The following RAB5A variants were observed in gnomAD, a reference collection of about 807,000 sequenced individuals.
RAB5A encodes ras-related protein Rab-5A.
Under a neutral mutation model 25.7 loss-of-function variants are expected in RAB5A, and 8 were observed. The ratio of observed to expected loss-of-function variants is 0.31; its 90% CI spans 0.18 to 0.56. RAB5A has a LOEUF of 0.56. Among genes scored for constraint, RAB5A ranks in the 20% least tolerant of loss-of-function variants. The pLI, the probability that RAB5A is intolerant of heterozygous loss-of-function variation, is 0.91. For missense variants in RAB5A, 192 were observed against 259.7 expected, an observed-to-expected ratio of 0.74 and a Z score of 1.79; for synonymous variants, 98 against 89.8, an observed-to-expected ratio of 1.09 and a Z score of -0.52.
At chr3:19,979,641 A>C (rs1441764365) in intron 5 of RAB5A, among the ~76,000 whole-genome samples, 3 of 152,104 alleles carry the variant, frequency 2.0e-5, no homozygotes, top group Admixed American at 6.5e-5. Flanking sequence ...ATGAAGTTGG[A>C]GTAGTAATAA....
chr3:19,965,301 A>G (rs1187832167), intron 2 of RAB5A, among the ~76,000 whole-genome samples: 1 of 152,024 alleles, frequency 6.6e-6, no homozygotes, highest in Non-Finnish European at 1.5e-5. Flanking sequence ...GTGTGCCTAT[A>G]GTCCCAACTA....
intron 2 of RAB5A, among the ~76,000 whole-genome samples, chr3:19,957,543 A>C (rs974351652): frequency 6.6e-6 from 1 of 151,642 alleles, no homozygotes; most frequent in African/African-American, 2.4e-5. Flanking sequence ...CATGCCTGTA[A>C]TTCCAGCTAC....
chr3:19,964,273 GTATC>G (rs552768425), intron 2 of RAB5A, among the ~76,000 whole-genome samples: 11 of 152,082 alleles, frequency 7.2e-5, no homozygotes, highest in Non-Finnish European at 7.4e-5. Context: ...CTATATATCT[GTATC>G]TATATATCCC....
chr3:19,961,635 T>G (rs1696586502), intron 2 of RAB5A, among the ~76,000 whole-genome samples: 1 of 152,246 alleles, frequency 6.6e-6, no homozygotes, highest in African/African-American at 2.4e-5. Flanking sequence ...TTTAACTGCC[T>G]TTAATCAAAT....
At chr3:19,967,033 C>G (rs1696671670) in intron 2 of RAB5A, among the ~76,000 whole-genome samples, 1 of 152,152 alleles carries the variant, frequency 6.6e-6, no homozygotes. Context: ...TTAAGCAGTT[C>G]TATTGCCTTG....
At chr3:19,971,768 C>T (rs950455952) in intron 2 of RAB5A, among the ~76,000 whole-genome samples, 1 of 152,138 alleles carries the variant, frequency 6.6e-6, no homozygotes, top group Non-Finnish European at 1.5e-5. Context: ...AGCCACCGCA[C>T]CTGGCCCAGT....
intron 2 of RAB5A, among the ~76,000 whole-genome samples, chr3:19,965,434 A>C (rs938238840): frequency 2.6e-5 from 4 of 151,790 alleles, no homozygotes; most frequent in Admixed American, 1.3e-4. Context: ...AAAAAAAAAA[A>C]AACTTAGGGC....
intron 2 of RAB5A, among the ~76,000 whole-genome samples, chr3:19,959,069 G>C (rs6801234): frequency 6.6e-6 from 1 of 151,966 alleles, no homozygotes; most frequent in Non-Finnish European, 1.5e-5. Context: ...GAATCATTAT[G>C]AGCATCAGTT....
In RAB5A at chr3:19,983,319, C is replaced by T. The variant is rs1184539545; in HGVS notation, c.533-389C>T. ...CCATTGCACTCCAGCCTAGGTGAGC[C>T]TGGGTGACAGAGTGAGACTACATCT... On this transcript the variant is annotated intron_variant, in intron 5 of 5. Transcript: ENST00000273047. Among the ~76,000 whole-genome samples the T allele has an allele frequency of 7.7e-5, 10 of 129,160 alleles. No homozygotes were observed. In the Admixed American group the frequency reaches 8.3e-4, roughly 11 times the overall value. 84.7% of individuals were successfully genotyped at this position (129,160 alleles called of 152,430 possible).
chr3:19,970,276 G>A (rs1302519614), intron 2 of RAB5A, among the ~76,000 whole-genome samples: 1 of 152,186 alleles, frequency 6.6e-6, no homozygotes, highest in Non-Finnish European at 1.5e-5. Flanking sequence ...GTGTGTTACA[G>A]TGTCTTCCCC....
At chr3:19,981,430 A>G (rs1043413457) in intron 5 of RAB5A, among the ~76,000 whole-genome samples, 8 of 152,094 alleles carry the variant, frequency 5.3e-5, no homozygotes, top group African/African-American at 1.9e-4. Context: ...CCGGGCCAAC[A>G]TGTCGAAACC....
At position 19,984,117 on chromosome 3, in the gene RAB5A, C is replaced by A; in HGVS notation, c.*294C>A. The A allele has an allele frequency of 2.4e-6, 1 of 409,406 alleles. No individual in the cohort carries two copies. The highest frequency in any genetic ancestry group is 4.6e-6 in the Non-Finnish European group (1 of 218,410). The allele number at this position is 409,406 out of a possible 1,614,324, so 25.4% of individuals were successfully genotyped here. A position where few individuals can be genotyped will look rare whatever the true frequency, so the allele number is the denominator to read the frequency against. On this transcript the variant is annotated 3_prime_UTR_variant, in exon 6 of 6. Transcript: ENST00000273047. ...ACTAGGAATATAGACAAATGACTGTCTGGGCCCACACAGTTAACCAGCCCA... is the reference window on the plus strand; with the variant it reads ...ACTAGGAATATAGACAAATGACTGTATGGGCCCACACAGTTAACCAGCCCA...
intron 1 of RAB5A, 87 bp from the exon 2 acceptor site, chr3:19,950,719 A>G (rs1349892549): frequency 3.6e-6 from 2 of 553,290 alleles, no homozygotes; most frequent in Non-Finnish European, 6.2e-6. Context: ...AGTTTAAGAT[A>G]ATCATGCTAT....
chr3:19,976,282 T>C (rs1696823985), intron 4 of RAB5A, 113 bp downstream of exon 4: 2 of 1,212,540 alleles, frequency 1.6e-6, no homozygotes, highest in Admixed American at 3.0e-5. Flanking sequence ...TAGAAAATAC[T>C]GATTTTTAAA....
At chr3:19,953,906 A>C (rs1696461374) in intron 2 of RAB5A, among the ~76,000 whole-genome samples, 1 of 152,238 alleles carries the variant, frequency 6.6e-6, no homozygotes, top group Non-Finnish European at 1.5e-5. Context: ...CTATTTCATG[A>C]TCAACCTGAA....
rs2125174874 is a variant in RAB5A, at chr3:19,947,265, GC to G, written c.-348del. The G allele has an allele frequency of 6.0e-6, 1 of 166,676 alleles. No homozygotes were observed. The highest frequency in any genetic ancestry group is 2.0e-4 in the East Asian group (1 of 5,008). 10.3% of individuals were successfully genotyped at this position (166,676 alleles called of 1,614,324 possible). The stretch of plus-strand genomic sequence containing the variant: ...AGGAAGAATTAGTCGGAACTCCAGC[GC>G]CGGCGGCGGCGGCGGCGGCGGAGGA... On this transcript the variant is annotated 5_prime_UTR_variant, in exon 1 of 6. Coordinates refer to ENST00000273047, the MANE Select transcript of RAB5A (RefSeq NM_004162.5).
At chr3:19,973,879 T>A (rs1440814704) in intron 2 of RAB5A, among the ~76,000 whole-genome samples, 4 of 152,218 alleles carry the variant, frequency 2.6e-5, no homozygotes, top group African/African-American at 9.6e-5. Flanking sequence ...TTTAGCACAT[T>A]TGATACTGGT....
chr3:19,975,560 T>C, intron 2 of RAB5A, 41 bp from the exon 3 acceptor site: 1 of 1,591,984 alleles, frequency 6.3e-7, no homozygotes, highest in Non-Finnish European at 8.6e-7. Flanking sequence ...TGAAAACATT[T>C]GGAGAAAAAT....
At chr3:19,951,211 C>A in intron 2 of RAB5A, 150 bp downstream of exon 2, 1 of 812,476 alleles carries the variant, frequency 1.2e-6, no homozygotes, top group Admixed American at 3.2e-5. Flanking sequence ...TAAAACTTGC[C>A]TTTATCTTTG....
Sources: allele counts gnomAD v4.1 joint callset (sites outside exome capture counted in the v4.1 genomes callset), GRCh38; gene constraint gnomAD v4.1.1; transcripts MANE v1.5; gene names NCBI Gene and HGNC (gene_info 2026-07-23, HGNC 2026-07-21).